Variants in LDLRAD4 observed in about 807,000 individuals in gnomAD.
LDLRAD4 encodes the protein low-density lipoprotein receptor class A domain-containing protein 4.
LDLRAD4 carries 5 observed loss-of-function variants against 17.0 expected under a neutral mutation model. The ratio of observed to expected loss-of-function variants is 0.29; its 90% confidence interval spans 0.15 to 0.62. LDLRAD4 has a LOEUF of 0.62. Among genes scored for constraint, LDLRAD4 ranks in the 20% least tolerant of loss-of-function variants. The probability of loss-of-function intolerance (pLI) is 0.84; values close to 1 mark genes in which losing one functional copy is unlikely to be tolerated. For synonymous variants in LDLRAD4, 168 were observed against 171.8 expected, an observed-to-expected ratio of 0.98 and a Z score of 0.17; for missense variants, 340 against 424.7, an observed-to-expected ratio of 0.80 and a Z score of 1.75.
chr18:13,287,542 A>T (rs1488700672), intron 1 of LDLRAD4, among the ~76,000 whole-genome samples: 2 of 152,128 alleles, frequency 1.3e-5, no homozygotes, highest in Non-Finnish European at 2.9e-5. Flanking sequence ...CATCCTCTGG[A>T]TAAGTAATTG....
chr18:13,589,832 G>A (rs2094986940), intron 3 of LDLRAD4, among the ~76,000 whole-genome samples: 1 of 152,172 alleles, frequency 6.6e-6, no homozygotes, highest in Non-Finnish European at 1.5e-5. Context: ...AGAGGTGAAT[G>A]CAGGGAGGGA....
intron 1 of LDLRAD4, among the ~76,000 whole-genome samples, chr18:13,268,271 C>G (rs1407173639): frequency 6.6e-6 from 1 of 152,206 alleles, no homozygotes; most frequent in Non-Finnish European, 1.5e-5. Flanking sequence ...ACCCTCCTCC[C>G]CCCTCGGCTT....
chr18:13,614,439 C>T (rs1363480699), intron 3 of LDLRAD4: 1 of 152,170 alleles, frequency 6.6e-6, no homozygotes, highest in Non-Finnish European at 1.5e-5. Context: ...TAGCTTTTTT[C>T]CCTTTCGTTC....
At chr18:13,301,622 A>G (rs1178558206) in intron 1 of LDLRAD4, among the ~76,000 whole-genome samples, 1 of 152,056 alleles carries the variant, frequency 6.6e-6, no homozygotes, top group East Asian at 1.9e-4. Flanking sequence ...GTGGCACAAA[A>G]CGACCACGTT....
chr18:13,425,613 C>T (rs1329365909), intron 2 of LDLRAD4, among the ~76,000 whole-genome samples: 1 of 152,140 alleles, frequency 6.6e-6, no homozygotes, highest in African/African-American at 2.4e-5. Flanking sequence ...TGTGGCCATC[C>T]CTTCTCTCTT....
At chr18:13,474,865 C>G (rs1368667774) in intron 3 of LDLRAD4, among the ~76,000 whole-genome samples, 2 of 152,154 alleles carry the variant, frequency 1.3e-5, no homozygotes, top group African/African-American at 4.8e-5. Context: ...AATGTGCGGC[C>G]CAGGGGCTAC....
At chr18:13,596,366 A>T (rs2095095705) in intron 3 of LDLRAD4, among the ~76,000 whole-genome samples, 1 of 152,044 alleles carries the variant, frequency 6.6e-6, no homozygotes, top group East Asian at 1.9e-4. Flanking sequence ...AATCTTATTG[A>T]TGTAGTTTGA....
At chr18:13,273,608 G>T (rs537063486), upstream of LDLRAD4, among the ~76,000 whole-genome samples, 1 of 152,098 alleles carries the variant, frequency 6.6e-6, no homozygotes, top group African/African-American at 2.4e-5. Flanking sequence ...GTTTTAAATG[G>T]CTCTGCTTCC....
intron 1 of LDLRAD4, among the ~76,000 whole-genome samples, chr18:13,242,695 A>G (rs73415394): frequency 0.012 from 1,871 of 152,358 alleles, 18 homozygotes; most frequent in African/African-American, 0.031. Flanking sequence ...GTTTTGTTAT[A>G]TGGATATATT....
At chr18:13,444,175 C>T (rs78105745) in intron 3 of LDLRAD4, among the ~76,000 whole-genome samples, 4,559 of 152,260 alleles carry the variant, frequency 0.03, 208 homozygotes, top group East Asian at 0.2. Flanking sequence ...GAGATTTCCT[C>T]TGTGTGTTAT....
intron 2 of LDLRAD4, among the ~76,000 whole-genome samples, chr18:13,429,359 A>G (rs2090169663): frequency 6.6e-6 from 1 of 152,204 alleles, no homozygotes; most frequent in African/African-American, 2.4e-5. Flanking sequence ...GGGAGCAGAG[A>G]AATGGGCCAT....
intron 1 of LDLRAD4, among the ~76,000 whole-genome samples, chr18:13,340,994 G>A (rs752503923): frequency 1.7e-4 from 26 of 152,102 alleles, no homozygotes; most frequent in Non-Finnish European, 2.4e-4. Context: ...GTTCTTTCCC[G>A]TTGAATGGCC....
intron 1 of LDLRAD4, chr18:13,239,879 T>C (rs1326604052): frequency 6.6e-6 from 1 of 152,316 alleles, no homozygotes; most frequent in Admixed American, 6.5e-5. Context: ...CGACTGTAGC[T>C]GTTTGTGCTG....
At chr18:13,416,257 T>C (rs2088882753) in intron 2 of LDLRAD4, among the ~76,000 whole-genome samples, 1 of 152,242 alleles carries the variant, frequency 6.6e-6, no homozygotes, top group South Asian at 2.1e-4. Context: ...ATGCCCACGA[T>C]TCTGTGTTCT....
chr18:13,375,582 A>C (rs962492226), intron 1 of LDLRAD4, among the ~76,000 whole-genome samples: 1 of 152,164 alleles, frequency 6.6e-6, no homozygotes, highest in Admixed American at 6.5e-5. Context: ...GGTGGTAAGG[A>C]CAAAGTAAAG....
intron 3 of LDLRAD4, among the ~76,000 whole-genome samples, chr18:13,591,118 GC>G (rs2095022101): frequency 6.6e-6 from 1 of 152,160 alleles, no homozygotes; most frequent in African/African-American, 2.4e-5. Flanking sequence ...GAAAGACAGA[GC>G]CCAAATCTTG....
At chr18:13,579,501 A>C (rs2094825809) in intron 3 of LDLRAD4, among the ~76,000 whole-genome samples, 1 of 152,354 alleles carries the variant, frequency 6.6e-6, no homozygotes, top group East Asian at 1.9e-4. Flanking sequence ...ATGGATGACC[A>C]GTAAGGGGAG....
chr18:13,400,769 G>A (rs1288595879), intron 2 of LDLRAD4, among the ~76,000 whole-genome samples: 1 of 152,160 alleles, frequency 6.6e-6, no homozygotes, highest in Admixed American at 6.5e-5. Flanking sequence ...ACGGAGGAAA[G>A]GACGTGGTTC....
chr18:13,256,316 T>G (rs2043499384), intron 1 of LDLRAD4, among the ~76,000 whole-genome samples: 1 of 152,206 alleles, frequency 6.6e-6, no homozygotes, highest in African/African-American at 2.4e-5. Flanking sequence ...GAAATGGCTC[T>G]TCTTTTAAAA....
Sources: allele counts gnomAD v4.1 joint callset (sites outside exome capture counted in the v4.1 genomes callset), GRCh38; gene constraint gnomAD v4.1.1; transcripts MANE v1.5; gene names NCBI Gene and HGNC (gene_info 2026-07-23, HGNC 2026-07-21).